RUSC1: variants seen among roughly 807,000 people sequenced by gnomAD.
RUSC1 encodes AP-4 complex accessory subunit RUSC1.
Under a neutral mutation model 72.1 loss-of-function variants are expected in RUSC1, and 40 were observed. The observed-to-expected ratio is 0.55, with a 90% CI of 0.43 to 0.72. The LOEUF is 0.72. Among genes scored for constraint, RUSC1 ranks in the 30% least tolerant of loss-of-function variants. The pLI, the probability that RUSC1 is intolerant of heterozygous loss-of-function variation, is 0.00. For synonymous variants in RUSC1, 512 were observed against 494.2 expected (o/e 1.04, Z -0.48); for missense variants, 1,092 against 1,172.3 (o/e 0.93, Z 1.00).
In RUSC1 at chr1:155,322,503, G is replaced by T; in HGVS notation, c.730G>T (p.Ala244Ser). Residue 244 changes from alanine to serine, a missense_variant, in exon 2 of 10, where the codon GCT becomes TCT. Transcript: ENST00000368352. ...GAAAATTGACACAGAGAAAACTAAA[G>T]CTGAATGGAAAACCACTGAAAACAA... ...IWKIDTEKTK[A>S]EWKTTENNNT... 6.2e-7 allele frequency: 1 copy of T among 1,613,278 alleles called. No individual in the cohort carries two copies. The highest frequency in any genetic ancestry group is 8.5e-7 in the Non-Finnish European group (1 of 1,179,408).
At position 155,325,362 on chromosome 1, in the gene RUSC1, T is replaced by C; in HGVS notation, c.1580T>C (p.Val527Ala). The change falls in exon 5 of 10, where the codon GTG (valine) becomes GCG (alanine). Residue 527 changes from valine (V) to alanine (A), a missense_variant. Val to Ala is a moderately conservative substitution (Grantham distance 64). Transcript: ENST00000368352. The surrounding 1 kb of genome is among the most constrained non-coding windows in gnomAD (Gnocchi z 6.5). The stretch of plus-strand genomic sequence containing the variant: ...CTGAGCCCGGATGTGGGGCACCTGG[T>C]GCTGACCACCCTCTGCCCGGCCCTC... Reference protein sequence around the residue: ...SRLSPDVGHLVLTTLCPALHA... With the variant: ...SRLSPDVGHLALTTLCPALHA... 1 of 1,598,050 alleles carries C rather than the reference T, an allele frequency of 6.3e-7. No individual in the cohort carries two copies.
intron 2 of RUSC1, chr1:155,324,108 A>T: frequency 8.3e-7 from 1 of 1,202,740 alleles, no homozygotes; most frequent in East Asian, 5.4e-5. Context: ...AGGGGGTCCC[A>T]GCGAGTCTGT....
Position 155,328,283 on chromosome 1 carries a change from G to C in RUSC1, c.2540+8G>C, listed in dbSNP as rs761399546. ...GATGGTGCAAACCCATAGGTAAGGA[G>C]GATTGGGGAGAATGCACTAGTGTGT... is the stretch of plus-strand genomic sequence containing the variant. On this transcript the variant is annotated splice_region_variant and intron_variant, in intron 9 of 9. Transcript: ENST00000368352. 6.2e-7 allele frequency: 1 copy of C among 1,604,404 alleles called. No individual in the cohort carries two copies. The highest frequency in any genetic ancestry group is 1.1e-5 in the South Asian group (1 of 88,592).
Position 155,330,527 on chromosome 1 carries a change from A to C in RUSC1, c.2665A>C (p.Met889Leu). 6.2e-7 allele frequency: 1 copy of C among 1,613,454 alleles called. No individual in the cohort carries two copies. The highest frequency in any genetic ancestry group is 8.5e-7 in the Non-Finnish European group (1 of 1,179,638). ...EDWLRCGRDG[M>L]EGLVPVGYTS... ...CTGGCTCCGCTGTGGGCGGGATGGC[A>C]TGGAGGGTCTGGTGCCTGTGGGGTA... The change falls in exon 10 of 10, where the codon ATG becomes CTG. Residue 889 changes from methionine (M) to leucine (L), a missense_variant. Transcript: ENST00000368352.
In RUSC1 at chr1:155,321,723, G is replaced by C. The variant is rs769773584; in HGVS notation, c.-51G>C. The C allele has an allele frequency of 2.4e-5, 39 of 1,606,078 alleles. No homozygotes were observed. Among genetic ancestry groups the C allele is most frequent in the Non-Finnish European group, 3.1e-5 (37 of 1,175,166 alleles). ...GTGGTTGCCAGGTAGGTGGATGTGA[G>C]AGACCCTACCCTTCTGGTTCTCTAG... On this transcript the variant is annotated 5_prime_UTR_variant, in exon 2 of 10. Coordinates refer to ENST00000368352, the MANE Select transcript of RUSC1 (RefSeq NM_001105203.2).
Position 155,322,402 on chromosome 1 carries a change from C to G in RUSC1, c.629C>G (p.Ser210Cys). 1.2e-6 allele frequency: 2 copies of G among 1,614,190 alleles called. No homozygotes were observed. Among genetic ancestry groups the G allele is most frequent in the Non-Finnish European group, 1.7e-6 (2 of 1,180,024 alleles). ...DERAEQDLPT[S>C]ELLEADDGKI... Reference sequence around the variant, plus strand: ...AGGGCGGAGCAGGATCTCCCTACCTCTGAGCTCTTAGAGGCGGATGATGGG... The same window carrying G: ...AGGGCGGAGCAGGATCTCCCTACCTGTGAGCTCTTAGAGGCGGATGATGGG... The change falls in exon 2 of 10, where the codon TCT becomes TGT. Residue 210 changes from serine to cysteine, a missense_variant. Ser to Cys is a moderately radical substitution (Grantham distance 112). Coordinates refer to ENST00000368352, the MANE Select transcript of RUSC1 (RefSeq NM_001105203.2).
At chr1:155,327,598 G>A (rs1651557205) in intron 8 of RUSC1, among the ~76,000 whole-genome samples, 1 of 152,178 alleles carries the variant, frequency 6.6e-6, no homozygotes, top group Non-Finnish European at 1.5e-5. Context: ...ATGAAAAACA[G>A]CCTGGGCAAC....
At chr1:155,323,953 T>C (rs1349769078) in intron 2 of RUSC1, 2 of 993,306 alleles carry the variant, frequency 2.0e-6, no homozygotes, top group Non-Finnish European at 2.4e-6. Flanking sequence ...TCCAAGCAAG[T>C]TTGTCGGCCT....
Position 155,326,491 on chromosome 1 carries a change from G to C in RUSC1, c.1862-89G>C. On this transcript the variant is annotated intron_variant, in intron 7 of 9. Coordinates refer to ENST00000368352, the MANE Select transcript of RUSC1 (RefSeq NM_001105203.2). This position sits in a 1 kb window ranked among gnomAD's most constrained non-coding sequence, Gnocchi z 4.7. ...CAGTGCCCAGCAGAGTGAGGCCTGG[G>C]AAGATGTGTGCTGACTGGTGGGCTG... 2 of 1,327,974 alleles carry C rather than the reference G, an allele frequency of 1.5e-6. No homozygotes were observed. Among genetic ancestry groups the C allele is most frequent in the Non-Finnish European group, 2.1e-6 (2 of 963,438 alleles). 82.3% of individuals were successfully genotyped at this position (1,327,974 alleles called of 1,614,324 possible). A position where few individuals can be genotyped will look rare whatever the true frequency, so the allele number is the denominator to read the frequency against.
Position 155,322,455 on chromosome 1 carries a change from A to G in RUSC1, c.682A>G (p.Ser228Gly), listed in dbSNP as rs1650680167. The change falls in exon 2 of 10, where the codon AGT becomes GGT. Residue 228 changes from serine (S) to glycine (G), a missense_variant. Coordinates refer to ENST00000368352, the MANE Select transcript of RUSC1 (RefSeq NM_001105203.2). ...GKIDAGKTEP[S>G]WKINPIWKID... ...AATCGACGCTGGGAAAACGGAGCCC[A>G]GTTGGAAGATTAACCCAATTTGGAA... The G allele has an allele frequency of 4.3e-6, 7 of 1,614,104 alleles. No homozygotes were observed. The highest frequency in any genetic ancestry group is 5.9e-6 in the Non-Finnish European group (7 of 1,179,964).
Position 155,322,525 on chromosome 1 carries a change from A to G in RUSC1, c.752A>G (p.Asn251Ser). ...AAAGCTGAATGGAAAACCACTGAAAACAATAACACTGGTTGGAAAAACAAC... is the reference window on the plus strand; with the variant it reads ...AAAGCTGAATGGAAAACCACTGAAAGCAATAACACTGGTTGGAAAAACAAC... Reference protein sequence around the residue: ...KTKAEWKTTENNNTGWKNNGN... With the variant: ...KTKAEWKTTESNNTGWKNNGN... The change falls in exon 2 of 10, where the codon AAC (asparagine) becomes AGC (serine). Residue 251 changes from asparagine (N) to serine (S), a missense_variant. Asn to Ser is a conservative substitution (Grantham distance 46). Coordinates refer to ENST00000368352, the MANE Select transcript of RUSC1 (RefSeq NM_001105203.2). 1 of 1,613,438 alleles carries G rather than the reference A, an allele frequency of 6.2e-7. No individual in the cohort carries two copies. The highest frequency in any genetic ancestry group is 1.1e-5 in the South Asian group (1 of 91,012).
In RUSC1 at chr1:155,326,257, A is replaced by AG; in HGVS notation, c.1862-321dup. The AG allele has an allele frequency of 1.9e-6, 1 of 539,806 alleles. No individual in the cohort carries two copies. The highest frequency in any genetic ancestry group is 2.3e-5 in the South Asian group (1 of 43,368). The allele number at this position is 539,806 out of a possible 1,614,324, so 33.4% of individuals were successfully genotyped here. On this transcript the variant is annotated intron_variant, in intron 7 of 9. Transcript: ENST00000368352. The surrounding 1 kb of genome is among the most constrained non-coding windows in gnomAD (Gnocchi z 4.7). Reference sequence around the variant, plus strand: ...TCATCCTTTGAGTCCTTCCCCAGTGAGGCCCTACCTCTACCCTCGGACTAG... The same window carrying AG: ...TCATCCTTTGAGTCCTTCCCCAGTGAGGGCCCTACCTCTACCCTCGGACTAG...
chr1:155,324,490 C>T (rs547669898), intron 2 of RUSC1: 1 of 1,606,496 alleles, frequency 6.2e-7, no homozygotes, highest in Admixed American at 1.7e-5. Flanking sequence ...GCTACACCTC[C>T]CTCCCCGCGC....
At chr1:155,328,431 G>A (rs1191295960) in intron 9 of RUSC1, among the ~76,000 whole-genome samples, 156 bp downstream of exon 9, 1 of 151,426 alleles carries the variant, frequency 6.6e-6, no homozygotes, top group Non-Finnish European at 1.5e-5. Flanking sequence ...ACTCATTTGA[G>A]CCTTGGATTT....
At chr1:155,324,622 C>A in intron 2 of RUSC1, 1 of 1,524,362 alleles carries the variant, frequency 6.6e-7, no homozygotes, top group Non-Finnish European at 8.7e-7. Context: ...GCACAGGGAA[C>A]CGGGATGGGG....
At position 155,326,381 on chromosome 1, in the gene RUSC1, G is replaced by A. The variant is rs1317794395; in HGVS notation, c.1862-199G>A. 3 of 598,780 alleles carry A rather than the reference G, an allele frequency of 5.0e-6. No homozygotes were observed. Among genetic ancestry groups the A allele is most frequent in the Non-Finnish European group, 8.8e-6 (3 of 339,856 alleles). 37.1% of individuals were successfully genotyped at this position (598,780 alleles called of 1,614,324 possible). ...TCTCTGTTACTTGTCACCACTTGCT[G>A]TGTGTGTCTTCCTATTTGGGCTAGG... On this transcript the variant is annotated intron_variant, in intron 7 of 9. Transcript: ENST00000368352. This position sits in a 1 kb window ranked among gnomAD's most constrained non-coding sequence, Gnocchi z 4.7.
intron 2 of RUSC1, chr1:155,323,967 G>A: frequency 1.0e-6 from 1 of 1,003,562 alleles, no homozygotes; most frequent in Non-Finnish European, 1.2e-6. Context: ...TCGGCCTTGG[G>A]GAGTCTGGCC....
At chr1:155,324,642 A>C in intron 2 of RUSC1, 1 of 1,520,518 alleles carries the variant, frequency 6.6e-7, no homozygotes. Context: ...GCTGGGGGAC[A>C]GCGAGTGCTG....
chr1:155,330,218 C>G (rs1651867541), intron 9 of RUSC1, among the ~76,000 whole-genome samples, 185 bp from the exon 10 acceptor site: 1 of 152,048 alleles, frequency 6.6e-6, no homozygotes, highest in African/African-American at 2.4e-5. Flanking sequence ...AGTGGGTTTG[C>G]CACTCAGGAG....
Sources: allele counts gnomAD v4.1 joint callset (sites outside exome capture counted in the v4.1 genomes callset), GRCh38; gene constraint gnomAD v4.1.1; non-coding constraint Gnocchi (gnomAD v3.1); transcripts MANE v1.5; gene names NCBI Gene and HGNC (gene_info 2026-07-23, HGNC 2026-07-21).